CDH4: variants seen among roughly 807,000 people sequenced by gnomAD.
CDH4 encodes cadherin 4, also known as cadherin-4.
CDH4 carries 33 observed loss-of-function variants against 86.0 expected under a neutral mutation model. The ratio of observed to expected loss-of-function variants is 0.38; its 90% CI spans 0.29 to 0.51. The LOEUF (loss-of-function observed/expected upper bound fraction) is 0.51, where lower values mean the gene tolerates loss of function less well. Ranked by LOEUF, CDH4 falls within the 20% of genes least tolerant of loss-of-function variation. CDH4 has a pLI of 0.86. For missense variants in CDH4, 1,114 were observed against 1,307.4 expected (o/e 0.85, Z 2.28); for synonymous variants, 555 against 549.4 (o/e 1.01, Z -0.14).
chr20:61,860,268 T>C (rs1040357154), intron 6 of CDH4, among the ~76,000 whole-genome samples: 2 of 152,224 alleles, frequency 1.3e-5, no homozygotes, highest in African/African-American at 4.8e-5. Context: ...GAAAACCACC[T>C]ATGTTCCAGA....
At chr20:61,655,876 C>A (rs28538878) in intron 2 of CDH4, among the ~76,000 whole-genome samples, 1 of 152,328 alleles carries the variant, frequency 6.6e-6, no homozygotes, top group African/African-American at 2.4e-5. Context: ...AAGTGTGTGG[C>A]TAATAGAGAG....
intron 3 of CDH4, among the ~76,000 whole-genome samples, chr20:61,751,999 G>A (rs138781655): frequency 3.3e-5 from 5 of 152,336 alleles, no homozygotes; most frequent in Admixed American, 6.5e-5. Context: ...CACGTGAAGC[G>A]TGAAACACGG....
At chr20:61,847,930 C>G (rs1982533654) in intron 5 of CDH4, among the ~76,000 whole-genome samples, 1 of 152,236 alleles carries the variant, frequency 6.6e-6, no homozygotes, top group African/African-American at 2.4e-5. Flanking sequence ...ACACCTCCCA[C>G]CAGGCCCACC....
At chr20:61,495,727 A>AC (rs1464743213) in intron 2 of CDH4, among the ~76,000 whole-genome samples, 1 of 151,690 alleles carries the variant, frequency 6.6e-6, no homozygotes, top group Non-Finnish European at 1.5e-5. Context: ...ACATGGTGAA[A>AC]CCCCATCTCT....
At position 61,501,577 on chromosome 20, in the gene CDH4, C is replaced by T. The variant is rs1174856656; in HGVS notation, c.170-241986C>T. ...AATCTCAGAACCTTTGGGCCTGCATCTCTGCGGCCCGGAGACGCTGACTCC... is the reference window on the plus strand; with the variant it reads ...AATCTCAGAACCTTTGGGCCTGCATTTCTGCGGCCCGGAGACGCTGACTCC... On this transcript the variant is annotated intron_variant, in intron 2 of 15. Transcript: ENST00000614565. The surrounding 1 kb of genome is among the most constrained non-coding windows in gnomAD (Gnocchi z 4.2). Among the ~76,000 whole-genome samples, 1 of 152,212 alleles carries T rather than the reference C, an allele frequency of 6.6e-6. No homozygotes were observed. The highest frequency in any genetic ancestry group is 1.5e-5 in the Non-Finnish European group (1 of 68,042).
intron 4 of CDH4, among the ~76,000 whole-genome samples, chr20:61,775,485 A>T (rs558579749): frequency 1.3e-5 from 2 of 152,202 alleles, no homozygotes; most frequent in Non-Finnish European, 1.5e-5. Context: ...TTGTGACCAT[A>T]CAGCTTCTGT....
chr20:61,672,782 G>A (rs543001211), intron 2 of CDH4, among the ~76,000 whole-genome samples: 42 of 152,238 alleles, frequency 2.8e-4, no homozygotes, highest in Non-Finnish European at 5.3e-4. Context: ...CTGGGAACCC[G>A]ACGGGGCTCA....
chr20:61,693,189 C>T (rs1331998943), intron 2 of CDH4, among the ~76,000 whole-genome samples: 3 of 152,156 alleles, frequency 2.0e-5, no homozygotes, highest in South Asian at 2.1e-4. Flanking sequence ...GTGATGAAGG[C>T]GGGTACGAGC....
At chr20:61,481,359 T>C (rs2245193) in intron 2 of CDH4, among the ~76,000 whole-genome samples, 96,895 of 152,106 alleles carry the variant, frequency 0.64, 32,345 homozygotes, top group African/African-American at 0.84. Flanking sequence ...AGCTGGGAAC[T>C]CCTGGTCTGC....
At chr20:61,527,588 C>T (rs1196104592) in intron 2 of CDH4, among the ~76,000 whole-genome samples, 3 of 152,200 alleles carry the variant, frequency 2.0e-5, no homozygotes, top group Non-Finnish European at 4.4e-5. Flanking sequence ...GCTTTTTAAG[C>T]AGGGATCCAT....
At chr20:61,805,405 C>A (rs1396441868) in intron 4 of CDH4, among the ~76,000 whole-genome samples, 1 of 152,186 alleles carries the variant, frequency 6.6e-6, no homozygotes, top group Non-Finnish European at 1.5e-5. Context: ...GGCTGGGTGT[C>A]CCACAGAGCC....
At chr20:61,620,226 G>A (rs866878013) in intron 2 of CDH4, among the ~76,000 whole-genome samples, 1 of 131,424 alleles carries the variant, frequency 7.6e-6, no homozygotes, top group East Asian at 2.1e-4. Flanking sequence ...AGGCTGGTAG[G>A]CAGACAGACA....
chr20:61,332,761 C>T (rs35893547), intron 2 of CDH4, among the ~76,000 whole-genome samples: 19,637 of 152,242 alleles, frequency 0.13, 1,621 homozygotes, highest in East Asian at 0.32. Context: ...GGAAGTTATT[C>T]GCTTCCTGGT....
chr20:61,571,287 C>T (rs968174453), intron 2 of CDH4, among the ~76,000 whole-genome samples: 8 of 152,098 alleles, frequency 5.3e-5, no homozygotes, highest in African/African-American at 1.9e-4. Context: ...TCTGGGAGGA[C>T]CCTGGCATCC....
intron 3 of CDH4, among the ~76,000 whole-genome samples, chr20:61,745,881 T>A (rs2088408231): frequency 6.6e-6 from 1 of 152,230 alleles, no homozygotes; most frequent in South Asian, 2.1e-4. Context: ...ACACCTTTTC[T>A]TGGGCATGTT....
At chr20:61,701,185 G>C (rs1216749137) in intron 2 of CDH4, among the ~76,000 whole-genome samples, 1 of 152,146 alleles carries the variant, frequency 6.6e-6, no homozygotes, top group East Asian at 1.9e-4. Flanking sequence ...CTGTGCCCAA[G>C]TCTCCAGTTT....
chr20:61,585,186 A>C (rs1338370863), intron 2 of CDH4, among the ~76,000 whole-genome samples: 2 of 152,206 alleles, frequency 1.3e-5, no homozygotes, highest in African/African-American at 4.8e-5. Context: ...GTTCCAATAA[A>C]ACGATCCTGC....
chr20:61,736,173 G>A (rs2088260542), intron 2 of CDH4, among the ~76,000 whole-genome samples: 1 of 152,160 alleles, frequency 6.6e-6, no homozygotes, highest in South Asian at 2.1e-4. Context: ...GAAGGTGTAG[G>A]TTATCTCGCT....
In CDH4 at chr20:61,663,341, C is replaced by T. The variant is rs565413906; in HGVS notation, c.170-80222C>T. Reference sequence around the variant, plus strand: ...TGCTGCGGAGCTCCTGGGAGGGTGACGCTGGGGCAGGGGCTGCTGCGGACA... The same window carrying T: ...TGCTGCGGAGCTCCTGGGAGGGTGATGCTGGGGCAGGGGCTGCTGCGGACA... On this transcript the variant is annotated intron_variant, in intron 2 of 15. Transcript: ENST00000614565. This position sits in a 1 kb window ranked among gnomAD's most constrained non-coding sequence, Gnocchi z 5.0. 3.9e-5 allele frequency among the ~76,000 whole-genome samples: 6 copies of T among 152,324 alleles called. No homozygotes were observed. In the South Asian group the frequency reaches 1.0e-3, roughly 26 times the overall value.
Sources: gnomAD v4.1 joint callset for allele counts (sites outside exome capture counted in the v4.1 genomes callset) on GRCh38, gnomAD v4.1.1 for gene constraint, Gnocchi (gnomAD v3.1) non-coding constraint, MANE v1.5 for transcripts, NCBI Gene and HGNC (gene_info 2026-07-23, HGNC 2026-07-21) for gene names.